Variants in MTA2 observed in about 807,000 individuals in gnomAD.
MTA2 encodes the protein metastasis-associated protein MTA2.
In MTA2, 22 loss-of-function variants were observed where a neutral mutation model predicts 87.1. The observed-to-expected ratio is 0.25, with a 90% CI of 0.18 to 0.36. MTA2 has a LOEUF of 0.36. Among genes scored for constraint, MTA2 ranks in the 10% least tolerant of loss-of-function variants. The pLI is 1.00. For missense variants in MTA2, 542 were observed against 853.2 expected (o/e 0.64, Z 4.54); for synonymous variants, 314 against 310.1 (o/e 1.01, Z -0.13).
At chr11:62,599,703 G>A (rs1484477237) in intron 3 of MTA2, among the ~76,000 whole-genome samples, 3 of 152,048 alleles carry the variant, frequency 2.0e-5, no homozygotes, top group Admixed American at 1.3e-4. Flanking sequence ...GGCGAGGTGA[G>A]AAATTAAAAA....
At chr11:62,596,896 A>G in intron 8 of MTA2, 71 bp from the exon 9 acceptor site, 1 of 1,469,666 alleles carries the variant, frequency 6.8e-7, no homozygotes, top group Non-Finnish European at 9.1e-7. Flanking sequence ...TCCTTAAAAC[A>G]CTCCCACTCC....
chr11:62,594,832 T>C, intron 15 of MTA2, 149 bp downstream of exon 15: 1 of 889,876 alleles, frequency 1.1e-6, no homozygotes, highest in Non-Finnish European at 1.8e-6. Flanking sequence ...CTGAATAGTT[T>C]ACAAAAAAAA....
rs760622015 is a variant in MTA2, at chr11:62,595,502, G to A, written c.1255-10C>T. 81 of 1,613,602 alleles carry A rather than the reference G, an allele frequency of 5.0e-5. No individual in the cohort carries two copies. Among genetic ancestry groups the A allele is most frequent in the Non-Finnish European group, 6.3e-5 (74 of 1,179,704 alleles). The stretch of plus-strand genomic sequence containing the variant: ...CCCTTGAGTGTGGCTCCTAGAAGAA[G>A]AGCATAGGAAAGAGAGAGAGCAGAA... On this transcript the variant is annotated splice_polypyrimidine_tract_variant and intron_variant, in intron 13 of 17. Coordinates refer to ENST00000278823, the MANE Select transcript of MTA2 (RefSeq NM_004739.4). This position sits in a 1 kb window ranked among gnomAD's most constrained non-coding sequence, Gnocchi z 4.9.
intron 17 of MTA2, 109 bp from the exon 18 acceptor site, chr11:62,594,149 C>G: frequency 1.3e-6 from 2 of 1,561,674 alleles, no homozygotes; most frequent in East Asian, 4.5e-5. Context: ...TTTCTGGCAT[C>G]CCCACCCTGC....
rs1448955406 is a variant in MTA2 at position 62,597,432 on chromosome 11, G to C, written c.594-17C>G. The C allele has an allele frequency of 3.7e-6, 6 of 1,602,038 alleles. No individual in the cohort carries two copies. The African/African-American group carries it at 5.4e-5, about 14-fold the overall frequency. On this transcript the variant is annotated splice_polypyrimidine_tract_variant and intron_variant, in intron 7 of 17. Coordinates refer to ENST00000278823, the MANE Select transcript of MTA2 (RefSeq NM_004739.4). ...CCCACAGCTCTAAGGGAGAAATTGAGAAGTCAAAAGCGAAAGAAAAGTCAA... is the reference window on the plus strand; with the variant it reads ...CCCACAGCTCTAAGGGAGAAATTGACAAGTCAAAAGCGAAAGAAAAGTCAA...
chr11:62,598,460 C>G (rs569677890), intron 4 of MTA2, 62 bp downstream of exon 4: 2 of 1,606,250 alleles, frequency 1.2e-6, no homozygotes, highest in Admixed American at 1.7e-5. Flanking sequence ...TCAATACCAC[C>G]TCCTTCTCTC....
chr11:62,594,901 G>T, intron 15 of MTA2, 80 bp downstream of exon 15: 1 of 1,325,356 alleles, frequency 7.5e-7, no homozygotes, highest in Non-Finnish European at 1.1e-6. Flanking sequence ...CTATGAGGAA[G>T]AAAAAAAGCA....
chr11:62,595,146 C>T lies in MTA2; in HGVS notation c.1484-76G>A. On this transcript the variant is annotated intron_variant, in intron 14 of 17. Transcript: ENST00000278823. The surrounding 1 kb of genome is among the most constrained non-coding windows in gnomAD (Gnocchi z 4.9). ...TCTAAGGCCAGAAGCCAACTCTAAT[C>T]TTAAAAAAATTATCTGTGGCCTACT... The T allele has an allele frequency of 1.3e-6, 2 of 1,556,328 alleles. No homozygotes were observed. The highest frequency in any genetic ancestry group is 2.7e-5 in the African/African-American group (2 of 73,000).
chr11:62,595,766 T>C lies in MTA2; in HGVS notation c.1240A>G (p.Thr414Ala). ...LKTPTQLEGA[T>A]RGTTEPHSRG... ...CTGATCCTTACCGTGGTGCCCCGAG[T>C]GGCCCCCTCAAGCTGAGTTGGGGTC... Residue 414 changes from threonine to alanine, a missense_variant, in exon 13 of 18, where the codon ACT (threonine) becomes GCT (alanine). By Grantham distance (58) the Thr-to-Ala change is moderately conservative. Transcript: ENST00000278823. This position sits in a 1 kb window ranked among gnomAD's most constrained non-coding sequence, Gnocchi z 4.9. 6.2e-7 allele frequency: 1 copy of C among 1,614,158 alleles called. No individual in the cohort carries two copies. Among genetic ancestry groups the C allele is most frequent in the Non-Finnish European group, 8.5e-7 (1 of 1,180,022 alleles).
chr11:62,593,700 G>C lies in MTA2; in HGVS notation c.*175C>G. ...TCCATCGGCAAGCATGGAGGCATGA[G>C]ACAAGTCTCGAGGTGGTAACACCAG... On this transcript the variant is annotated 3_prime_UTR_variant, in exon 18 of 18. Transcript: ENST00000278823. 1.4e-6 allele frequency: 1 copy of C among 712,840 alleles called. No individual in the cohort carries two copies. Among genetic ancestry groups the C allele is most frequent in the Non-Finnish European group, 2.3e-6 (1 of 440,658 alleles). 44.2% of individuals were successfully genotyped at this position (712,840 alleles called of 1,614,324 possible).
rs1293383451 is a variant in MTA2 at position 62,598,517 on chromosome 11, T to C, written c.308+5A>G. ...CAGGCTATGCTGGCCCCAGTTGTCCTGTACCGTATGTGGGTGGCTGGTAAT... is the reference window on the plus strand; with the variant it reads ...CAGGCTATGCTGGCCCCAGTTGTCCCGTACCGTATGTGGGTGGCTGGTAAT... On this transcript the variant is annotated splice_donor_5th_base_variant and intron_variant, in intron 4 of 17. Coordinates refer to ENST00000278823, the MANE Select transcript of MTA2 (RefSeq NM_004739.4). The C allele has an allele frequency of 6.2e-6, 10 of 1,613,920 alleles. No homozygotes were observed. The highest frequency in any genetic ancestry group is 8.5e-6 in the Non-Finnish European group (10 of 1,179,772).
In MTA2 at chr11:62,594,036, G is replaced by A. The variant is rs1008868253; in HGVS notation, c.1846C>T (p.Leu616=). The A allele has an allele frequency of 1.2e-6, 2 of 1,600,534 alleles. No homozygotes were observed. The highest frequency in any genetic ancestry group is 8.5e-7 in the Non-Finnish European group (1 of 1,173,598). Reference sequence around the variant, plus strand: ...TCCAGATGGGTCAGAGCCTTCCGTAGGGCCCTGGCCAGAAAGAGCAAGTGG... The same window carrying A: ...TCCAGATGGGTCAGAGCCTTCCGTAAGGCCCTGGCCAGAAAGAGCAAGTGG... ...VFVATKDTRA[L]RKALTHLEMR... Residue 616 remains leucine (L), a synonymous_variant, in exon 18 of 18, where the codon CTA becomes TTA. Coordinates refer to ENST00000278823, the MANE Select transcript of MTA2 (RefSeq NM_004739.4).
At position 62,595,743 on chromosome 11, in the gene MTA2, G is replaced by A; in HGVS notation, c.1254+9C>T. The A allele has an allele frequency of 6.2e-7, 1 of 1,613,886 alleles. No homozygotes were observed. The highest frequency in any genetic ancestry group is 1.1e-5 in the South Asian group (1 of 91,060). On this transcript the variant is annotated intron_variant, in intron 13 of 17. Transcript: ENST00000278823. This position sits in a 1 kb window ranked among gnomAD's most constrained non-coding sequence, Gnocchi z 4.9. ...GCTCTCCCCTGCTTTTCTTCCCACTGATCCTTACCGTGGTGCCCCGAGTGG... is the reference window on the plus strand; with the variant it reads ...GCTCTCCCCTGCTTTTCTTCCCACTAATCCTTACCGTGGTGCCCCGAGTGG...
rs775798633 is a variant in MTA2 at position 62,595,219 on chromosome 11, A to G, written c.1483+45T>C. On this transcript the variant is annotated intron_variant, in intron 14 of 17. Transcript: ENST00000278823. The surrounding 1 kb of genome is among the most constrained non-coding windows in gnomAD (Gnocchi z 4.9). ...CAGAGAAACAACGGTCTCTGGGCAG[A>G]GCAATCCGAAACCCACCACCAGTCC... 1 of 1,587,060 alleles carries G rather than the reference A, an allele frequency of 6.3e-7. No homozygotes were observed. Among genetic ancestry groups the G allele is most frequent in the Admixed American group, 1.7e-5 (1 of 59,792 alleles).
intron 15 of MTA2, 122 bp downstream of exon 15, chr11:62,594,859 G>T: frequency 2.1e-6 from 2 of 975,136 alleles, no homozygotes; most frequent in Non-Finnish European, 1.6e-6. Context: ...AACAACAAAA[G>T]TACAGTTTGT....
chr11:62,596,609 A>G, intron 9 of MTA2, 28 bp downstream of exon 9: 1 of 1,611,634 alleles, frequency 6.2e-7, no homozygotes, highest in Non-Finnish European at 8.5e-7. Context: ...CATCTCTCCC[A>G]CTTCTCCTCC....
intron 2 of MTA2, 112 bp downstream of exon 2, chr11:62,600,510 A>G: frequency 9.7e-7 from 1 of 1,027,582 alleles, no homozygotes; most frequent in East Asian, 2.5e-5. Flanking sequence ...CCAATGAATG[A>G]ATGAACGAAT....
At position 62,595,956 on chromosome 11, in the gene MTA2, A is replaced by G. The variant is rs1942092964; in HGVS notation, c.1114+54T>C. ...ACTACCTAAGCCCCTCAGATTCTTG[A>G]GCCACAGCAGGCCTTCCACCCATCC... On this transcript the variant is annotated intron_variant, in intron 12 of 17. Transcript: ENST00000278823. This position sits in a 1 kb window ranked among gnomAD's most constrained non-coding sequence, Gnocchi z 4.9. 6.2e-7 allele frequency: 1 copy of G among 1,614,036 alleles called. No homozygotes were observed.
intron 3 of MTA2, 130 bp from the exon 4 acceptor site, chr11:62,598,769 T>C: frequency 2.6e-6 from 2 of 755,274 alleles, no homozygotes; most frequent in Non-Finnish European, 4.4e-6. Context: ...GCGTCTGCCT[T>C]CTATACCCTT....
Sources: allele counts gnomAD v4.1 joint callset (sites outside exome capture counted in the v4.1 genomes callset), GRCh38; gene constraint gnomAD v4.1.1; non-coding constraint Gnocchi (gnomAD v3.1); transcripts MANE v1.5; gene names NCBI Gene and HGNC (gene_info 2026-07-23, HGNC 2026-07-21).